WDFY3: variants seen among roughly 807,000 people sequenced by gnomAD.
WDFY3 encodes WD repeat and FYVE domain containing 3.
A neutral mutation model predicts 409.6 loss-of-function variants in WDFY3; 66 were observed. The observed-to-expected ratio is 0.16, with a 90% CI of 0.13 to 0.20. WDFY3 has a LOEUF of 0.20. Among genes scored for constraint, WDFY3 ranks in the 10% least tolerant of loss-of-function variants. WDFY3 has a pLI of 1.00. For synonymous variants in WDFY3, 1,521 were observed against 1,537.1 expected (o/e 0.99, Z 0.25); for missense variants, 3,031 against 4,298.1 (o/e 0.71, Z 8.24).
chr4:84,759,118 A>G (rs1261116043), intron 32 of WDFY3, among the ~76,000 whole-genome samples: 6 of 152,120 alleles, frequency 3.9e-5, no homozygotes, highest in Non-Finnish European at 7.3e-5. Context: ...AGTTGTAGAT[A>G]TGCGGCGTTA....
At chr4:84,918,815 G>GTATA (rs759569387) in intron 2 of WDFY3, among the ~76,000 whole-genome samples, 40 of 138,414 alleles carry the variant, frequency 2.9e-4, no homozygotes, top group African/African-American at 9.7e-4. Context: ...GTGTGTGTGT[G>GTATA]TATATATATA....
intron 16 of WDFY3, 99 bp from the exon 17 acceptor site, chr4:84,801,963 T>C: frequency 8.3e-7 from 1 of 1,198,300 alleles, no homozygotes; most frequent in Non-Finnish European, 1.2e-6. Flanking sequence ...TTTTTTTTTT[T>C]TGAGACGGAG....
chr4:84,807,006 ATT>A (rs1320281082), intron 15 of WDFY3, among the ~76,000 whole-genome samples: 2 of 152,148 alleles, frequency 1.3e-5, no homozygotes, highest in African/African-American at 2.4e-5. Context: ...TAAACAGCAA[ATT>A]TTAAGGCTTT....
intron 32 of WDFY3, among the ~76,000 whole-genome samples, chr4:84,759,973 G>A (rs1367161466): frequency 2.0e-5 from 3 of 151,968 alleles, no homozygotes; most frequent in East Asian, 1.9e-4. Flanking sequence ...TTTGAGATAC[G>A]TCCCATCAAC....
chr4:84,823,668 A>G (rs1476652978), intron 10 of WDFY3, among the ~76,000 whole-genome samples: 1 of 152,194 alleles, frequency 6.6e-6, no homozygotes, highest in Non-Finnish European at 1.5e-5. Context: ...AAGCACATAA[A>G]AAATGCAAAA....
chr4:84,836,816 C>A, intron 7 of WDFY3, 113 bp downstream of exon 7: 1 of 936,300 alleles, frequency 1.1e-6, no homozygotes, highest in Admixed American at 3.7e-5. Flanking sequence ...GTCATACTAT[C>A]ATAAATAAAA....
intron 25 of WDFY3, 149 bp from the exon 26 acceptor site, chr4:84,780,447 G>A (rs1268053174): frequency 8.5e-6 from 8 of 936,060 alleles, no homozygotes; most frequent in Non-Finnish European, 1.2e-5. Context: ...AAGCATTAAA[G>A]GTAGAATTTG....
At chr4:84,691,171 C>T (rs1285326240) in intron 60 of WDFY3, among the ~76,000 whole-genome samples, 1 of 152,130 alleles carries the variant, frequency 6.6e-6, no homozygotes, top group Non-Finnish European at 1.5e-5. Flanking sequence ...ATTGTCTCTC[C>T]AAGAGGTACT....
chr4:84,939,714 GTTC>G (rs1304686773), intron 1 of WDFY3, among the ~76,000 whole-genome samples: 1 of 151,418 alleles, frequency 6.6e-6, no homozygotes, highest in African/African-American at 2.4e-5. Flanking sequence ...CTTGTGACAT[GTTC>G]TTATTTAAAA....
At chr4:84,755,465 T>C (rs1182409628) in intron 33 of WDFY3, 65 bp from the exon 34 acceptor site, 25 of 1,535,140 alleles carry the variant, frequency 1.6e-5, no homozygotes, top group Non-Finnish European at 2.2e-5. Context: ...CCTCATAAGT[T>C]CTAATAGGCT....
intron 5 of WDFY3, among the ~76,000 whole-genome samples, chr4:84,842,900 A>G (rs947097945): frequency 3.3e-5 from 5 of 152,252 alleles, no homozygotes; most frequent in African/African-American, 1.2e-4. Context: ...ACATAAAATA[A>G]AAGTGTTTTA....
At chr4:84,796,045 T>C (rs1310480606) in intron 19 of WDFY3, among the ~76,000 whole-genome samples, 2 of 151,750 alleles carry the variant, frequency 1.3e-5, no homozygotes, top group African/African-American at 2.4e-5. Context: ...TTTTAATTTA[T>C]ATATTATCTA....
chr4:84,954,292 T>G (rs1317177336), intron 1 of WDFY3, among the ~76,000 whole-genome samples: 1 of 152,200 alleles, frequency 6.6e-6, no homozygotes. Flanking sequence ...CTAAATAAAA[T>G]TATTAAGCAA....
intron 2 of WDFY3, among the ~76,000 whole-genome samples, chr4:84,905,105 G>A (rs1766865016): frequency 6.6e-6 from 1 of 152,232 alleles, no homozygotes; most frequent in Non-Finnish European, 1.5e-5. Context: ...GGAGGCCAAG[G>A]CAGGCGGATC....
rs1483641961 is a variant in WDFY3 at position 84,691,732 on chromosome 4, C to T, written c.9103G>A (p.Val3035Met). The change falls in exon 60 of 68, where the codon GTG becomes ATG. Residue 3035 changes from valine (V) to methionine (M), a missense_variant. Val to Met is a conservative substitution (Grantham distance 21). Coordinates refer to ENST00000295888, the MANE Select transcript of WDFY3 (RefSeq NM_014991.6). ...IVCTDKGILAVEQNKVLIPPT... is the reference protein window; with the variant it reads ...IVCTDKGILAMEQNKVLIPPT... ...GGGATAAGAACCTTATTCTGTTCCA[C>T]CGCAAGAATACCTTTATCTGTACAT... is the stretch of plus-strand genomic sequence containing the variant. 1 of 1,613,976 alleles carries T rather than the reference C, an allele frequency of 6.2e-7. No homozygotes were observed. The highest frequency in any genetic ancestry group is 1.1e-5 in the South Asian group (1 of 91,074).
chr4:84,863,496 T>C (rs967589424), intron 3 of WDFY3, among the ~76,000 whole-genome samples: 4 of 152,220 alleles, frequency 2.6e-5, no homozygotes, highest in African/African-American at 4.8e-5. Flanking sequence ...CCTTTTCATA[T>C]ACCTATTAGA....
At chr4:84,718,957 T>C (rs932761596) in intron 47 of WDFY3, among the ~76,000 whole-genome samples, 1 of 152,224 alleles carries the variant, frequency 6.6e-6, no homozygotes, top group East Asian at 1.9e-4. Flanking sequence ...TTGTGTTCTA[T>C]GTGAGGCAAG....
chr4:84,774,674 T>C, intron 29 of WDFY3, 146 bp downstream of exon 29: 1 of 867,030 alleles, frequency 1.2e-6, no homozygotes, highest in Non-Finnish European at 1.7e-6. Flanking sequence ...ATTCATGTTT[T>C]CCATGCGTCA....
chr4:84,820,644 T>C (rs1334408925), intron 11 of WDFY3, among the ~76,000 whole-genome samples: 1 of 152,104 alleles, frequency 6.6e-6, no homozygotes, highest in East Asian at 1.9e-4. Context: ...CCAATGATAA[T>C]ACATTGTGTA....
Sources: gnomAD v4.1 joint callset for allele counts (sites outside exome capture counted in the v4.1 genomes callset) on GRCh38, gnomAD v4.1.1 for gene constraint, MANE v1.5 for transcripts, NCBI Gene and HGNC (gene_info 2026-07-23, HGNC 2026-07-21) for gene names.